The following RNF168 variants were observed in gnomAD, a reference collection of about 807,000 sequenced individuals.
RNF168 encodes E3 ubiquitin-protein ligase RNF168.
RNF168 carries 34 observed loss-of-function variants against 34.9 expected under a neutral mutation model. The observed-to-expected ratio is 0.97, with a 90% CI of 0.74 to 1.30. RNF168 has a LOEUF of 1.30. RNF168 is among the 50% of genes most tolerant of loss of function. The pLI is 0.00. For missense variants in RNF168, 725 were observed against 682.5 expected (o/e 1.06, Z -0.69); for synonymous variants, 264 against 254.7 (o/e 1.04, Z -0.35).
chr3:196,472,619 C>T lies in RNF168; in HGVS notation c.916G>A (p.Ala306Thr), dbSNP rs1732038350. 1 of 1,613,800 alleles carries T rather than the reference C, an allele frequency of 6.2e-7. No individual in the cohort carries two copies. The highest frequency in any genetic ancestry group is 8.5e-7 in the Non-Finnish European group (1 of 1,179,706). The part of the protein sequence containing the change: ...SPMPWLCACG[A>T]EWYHEGNVKT... ...ACGTTTCCTTCATGGTACCATTCGG[C>T]ACCACAGGCACATAACCATGGCATA... is the stretch of plus-strand genomic sequence containing the variant. Residue 306 changes from alanine (A) to threonine (T), a missense_variant, in exon 6 of 6, where the codon GCC (alanine) becomes ACC (threonine). Transcript: ENST00000318037.
At chr3:196,494,148 T>G (rs975061889) in intron 1 of RNF168, among the ~76,000 whole-genome samples, 10 of 152,188 alleles carry the variant, frequency 6.6e-5, no homozygotes, top group African/African-American at 2.4e-4. Context: ...GCACCTGGCC[T>G]GTTTGCTATT....
intron 1 of RNF168, among the ~76,000 whole-genome samples, chr3:196,502,314 C>T (rs913998303): frequency 2.0e-5 from 3 of 152,032 alleles, no homozygotes; most frequent in Non-Finnish European, 4.4e-5. Flanking sequence ...AGGCCGGGCG[C>T]GGTGGCTCAA....
intron 1 of RNF168, among the ~76,000 whole-genome samples, chr3:196,491,657 A>G (rs998635620): frequency 6.6e-6 from 1 of 152,224 alleles, no homozygotes; most frequent in Non-Finnish European, 1.5e-5. Flanking sequence ...CAAACAAACA[A>G]AAACACATGT....
chr3:196,485,027 T>C (rs555681471), intron 3 of RNF168, among the ~76,000 whole-genome samples: 1 of 152,322 alleles, frequency 6.6e-6, no homozygotes, highest in East Asian at 1.9e-4. Flanking sequence ...GAGCTGTGGA[T>C]ATACCCAAAA....
intron 5 of RNF168, 42 bp from the exon 6 acceptor site, chr3:196,472,814 A>T: frequency 8.3e-7 from 1 of 1,204,678 alleles, no homozygotes; most frequent in Non-Finnish European, 1.2e-6. Context: ...AGGGGAAAAT[A>T]TCAAATCATA....
At chr3:196,482,914 T>C (rs910473625) in intron 4 of RNF168, among the ~76,000 whole-genome samples, 1 of 152,164 alleles carries the variant, frequency 6.6e-6, no homozygotes, top group Non-Finnish European at 1.5e-5. Flanking sequence ...TCCTTAGTTT[T>C]TCTTGTATCT....
chr3:196,486,403 G>A (rs1403093449), intron 3 of RNF168, among the ~76,000 whole-genome samples: 1 of 152,018 alleles, frequency 6.6e-6, no homozygotes, highest in African/African-American at 2.4e-5. Context: ...GGCGAGATCA[G>A]CTCACTGTAA....
chr3:196,469,814 A>G lies in RNF168; in HGVS notation c.*2005T>C, dbSNP rs895339532. ...GTGGTTATGTTTCAGGTTCCACAAC[A>G]TAAGACACTGTGAGGTAACTCTCCT... On this transcript the variant is annotated 3_prime_UTR_variant, in exon 6 of 6. Transcript: ENST00000318037. The G allele has an allele frequency of 3.9e-5, 6 of 152,246 alleles. No individual in the cohort carries two copies. The highest frequency in any genetic ancestry group is 1.3e-4 in the Admixed American group (2 of 15,278). 9.4% of individuals were successfully genotyped at this position (152,246 alleles called of 1,614,324 possible).
intron 1 of RNF168, among the ~76,000 whole-genome samples, chr3:196,496,975 G>A (rs1475386082): frequency 2.6e-5 from 4 of 151,886 alleles, no homozygotes; most frequent in Non-Finnish European, 5.9e-5. Flanking sequence ...TGAAACTCCC[G>A]TCTCTATTAA....
intron 1 of RNF168, among the ~76,000 whole-genome samples, chr3:196,489,863 G>A (rs370156869): frequency 2.3e-4 from 35 of 152,098 alleles, no homozygotes; most frequent in East Asian, 1.5e-3. Context: ...CAGAATCCTC[G>A]ACTTACCGGC....
At position 196,471,662 on chromosome 3, in the gene RNF168, T is replaced by C. The variant is rs4916497; in HGVS notation, c.*157A>G. ...TACCGCTGAGCTGTGCAGAAGCTCA[T>C]GTGTCTATGCAGTCCTTACAATCAC... On this transcript the variant is annotated 3_prime_UTR_variant, in exon 6 of 6. Coordinates refer to ENST00000318037, the MANE Select transcript of RNF168 (RefSeq NM_152617.4). 0.68 allele frequency: 448,454 copies of C among 661,324 alleles called. 158,495 individuals carry two copies. Among genetic ancestry groups the C allele is most frequent in the Middle Eastern group, 0.8 (1,982 of 2,488 alleles). The allele number at this position is 661,324 out of a possible 1,614,324, so 41.0% of individuals were successfully genotyped here. A position where few individuals can be genotyped will look rare whatever the true frequency, so the allele number is the denominator to read the frequency against.
At chr3:196,486,340 A>G (rs2108649716) in intron 3 of RNF168, among the ~76,000 whole-genome samples, 1 of 152,302 alleles carries the variant, frequency 6.6e-6, no homozygotes, top group East Asian at 1.9e-4. Flanking sequence ...TTTTAGGTCA[A>G]TAAAGAAAAA....
At chr3:196,489,590 G>A (rs1450012286) in intron 1 of RNF168, among the ~76,000 whole-genome samples, 1 of 152,150 alleles carries the variant, frequency 6.6e-6, no homozygotes, top group Non-Finnish European at 1.5e-5. Flanking sequence ...GCCTCCCAAA[G>A]TGCTGGGACT....
chr3:196,475,222 T>TCA lies in RNF168; in HGVS notation c.762+7_762+8dup. 1 of 1,501,298 alleles carries TCA rather than the reference T, an allele frequency of 6.7e-7. No individual in the cohort carries two copies. The highest frequency in any genetic ancestry group is 9.3e-7 in the Non-Finnish European group (1 of 1,077,154). The allele number at this position is 1,501,298 out of a possible 1,614,324, so 93.0% of individuals were successfully genotyped here. ...AGCAAAACTCAGAACATCTTCAGTA[T>TCA]CAACATACCTTAGATACGGAGTCTT... On this transcript the variant is annotated intron_variant, in intron 5 of 5. Transcript: ENST00000318037.
At chr3:196,481,682 G>GTTTT (rs34739638) in intron 4 of RNF168, among the ~76,000 whole-genome samples, 1 of 62,362 alleles carries the variant, frequency 1.6e-5, no homozygotes, top group African/African-American at 6.3e-5. Flanking sequence ...TTTCAGCTGC[G>GTTTT]TTTTTTTTTT....
At chr3:196,502,455 G>A (rs749907731) in intron 1 of RNF168, among the ~76,000 whole-genome samples, 8 of 151,950 alleles carry the variant, frequency 5.3e-5, no homozygotes, top group Non-Finnish European at 8.8e-5. Context: ...GGGCGTGATG[G>A]TGCACGCGTG....
Position 196,472,504 on chromosome 3 carries a change from G to A in RNF168, c.1031C>T (p.Ala344Val). The A allele has an allele frequency of 6.2e-7, 1 of 1,614,232 alleles. No homozygotes were observed. The highest frequency in any genetic ancestry group is 8.5e-7 in the Non-Finnish European group (1 of 1,180,038). ...TTCTGTTCTGCCACAAGGCATAACT[G>A]CAGTTTCTTTCGAGTAGGGAACTCT... Reference protein sequence around the residue: ...KTRVPYSKETAVMPCGRTESG... With the variant: ...KTRVPYSKETVVMPCGRTESG... Residue 344 changes from alanine to valine, a missense_variant, in exon 6 of 6, where the codon GCA becomes GTA. Physicochemically the swap from Ala to Val is moderately conservative, Grantham distance 64 (BLOSUM62 0). Coordinates refer to ENST00000318037, the MANE Select transcript of RNF168 (RefSeq NM_152617.4).
chr3:196,472,571 C>T lies in RNF168; in HGVS notation c.964G>A (p.Gly322Arg). Residue 322 changes from glycine (G) to arginine (R), a missense_variant, in exon 6 of 6, where the codon GGG (glycine) becomes AGG (arginine). Gly to Arg is a moderately radical substitution (Grantham distance 125). Transcript: ENST00000318037. The part of the protein sequence containing the change: ...GNVKTRPSNH[G>R]KELCVLSHER... ...TGACTTAAGACACATAACTCTTTCC[C>T]ATGATTGCTTGGTCTTGTTTTGACG... is the stretch of plus-strand genomic sequence containing the variant. 1 of 1,614,218 alleles carries T rather than the reference C, an allele frequency of 6.2e-7. No individual in the cohort carries two copies. Among genetic ancestry groups the T allele is most frequent in the Non-Finnish European group, 8.5e-7 (1 of 1,180,040 alleles).
chr3:196,502,804 G>A (rs1732933451), intron 1 of RNF168, 69 bp downstream of exon 1: 2 of 1,388,512 alleles, frequency 1.4e-6, no homozygotes, highest in African/African-American at 2.8e-5. Context: ...TTTTTAAATG[G>A]AAAAGTGATG....
Sources: gnomAD v4.1 joint callset for allele counts (sites outside exome capture counted in the v4.1 genomes callset) on GRCh38, gnomAD v4.1.1 for gene constraint, MANE v1.5 for transcripts, NCBI Gene and HGNC (gene_info 2026-07-23, HGNC 2026-07-21) for gene names.